The following CCDC146 variants were observed in gnomAD, a reference collection of about 807,000 sequenced individuals.
CCDC146 encodes the protein coiled-coil domain containing 146, also known as coiled-coil domain-containing protein 146.
In CCDC146, 92 loss-of-function variants were observed where a neutral mutation model predicts 119.3. The observed-to-expected ratio is 0.77, with a 90% CI of 0.65 to 0.92. The LOEUF is 0.92. CCDC146 is among the 40% of genes least tolerant of loss of function. The pLI is 0.00. For missense variants in CCDC146, 1,000 were observed against 1,103.0 expected (o/e 0.91, Z 1.32); for synonymous variants, 372 against 371.8 (o/e 1.00, Z -0.01).
At chr7:77,216,003 C>G (rs1480037594) in intron 2 of CCDC146, among the ~76,000 whole-genome samples, 1 of 152,010 alleles carries the variant, frequency 6.6e-6, no homozygotes, top group South Asian at 2.1e-4. Context: ...CTAACCCCCC[C>G]ACCTTGTTTC....
chr7:77,187,011 A>T (rs893601293), intron 2 of CCDC146, among the ~76,000 whole-genome samples: 1 of 152,194 alleles, frequency 6.6e-6, no homozygotes. Flanking sequence ...GATTTGTCTG[A>T]CTATTAAGCT....
intron 2 of CCDC146, among the ~76,000 whole-genome samples, chr7:77,192,034 C>G (rs1001759304): frequency 1.3e-5 from 2 of 152,020 alleles, no homozygotes; most frequent in Non-Finnish European, 2.9e-5. Flanking sequence ...TCAAGCAATT[C>G]TCCTGCCTCA....
At chr7:77,184,941 A>G (rs1204651943) in intron 2 of CCDC146, among the ~76,000 whole-genome samples, 1 of 152,206 alleles carries the variant, frequency 6.6e-6, no homozygotes, top group East Asian at 1.9e-4. Context: ...ATTCACACAG[A>G]AAGTCATGGG....
At chr7:77,192,901 C>T (rs889148698) in intron 2 of CCDC146, among the ~76,000 whole-genome samples, 2 of 151,072 alleles carry the variant, frequency 1.3e-5, no homozygotes, top group African/African-American at 4.9e-5. Context: ...CCAGCCTGGG[C>T]GACAGAGTGA....
intron 3 of CCDC146, among the ~76,000 whole-genome samples, chr7:77,237,528 A>G (rs1792760564): frequency 6.6e-6 from 1 of 152,192 alleles, no homozygotes; most frequent in East Asian, 1.9e-4. Context: ...GCAGGTGGGC[A>G]AAAGGATTCT....
At chr7:77,141,831 T>G (rs1790937432) in intron 1 of CCDC146, among the ~76,000 whole-genome samples, 1 of 152,216 alleles carries the variant, frequency 6.6e-6, no homozygotes. Flanking sequence ...GTCAGATAGA[T>G]AGATTGCGGA....
chr7:77,254,909 C>T (rs2056708), intron 5 of CCDC146, among the ~76,000 whole-genome samples: 103,250 of 152,180 alleles, frequency 0.68, 38,785 homozygotes, highest in Non-Finnish European at 0.86. Context: ...GTTATTACAA[C>T]AAATTTTTAC....
chr7:77,136,618 T>C (rs1023905953), intron 1 of CCDC146, among the ~76,000 whole-genome samples: 3 of 152,176 alleles, frequency 2.0e-5, no homozygotes, highest in African/African-American at 7.2e-5. Flanking sequence ...ATTAAATAAA[T>C]TGAATAAATA....
intron 3 of CCDC146, among the ~76,000 whole-genome samples, chr7:77,237,786 A>T (rs1792765763): frequency 6.6e-6 from 1 of 152,234 alleles, no homozygotes; most frequent in Non-Finnish European, 1.5e-5. Context: ...GCTATTAGCC[A>T]CTGGGAATTA....
chr7:77,283,665 C>A (rs1328575923), intron 15 of CCDC146, among the ~76,000 whole-genome samples: 1 of 152,078 alleles, frequency 6.6e-6, no homozygotes, highest in African/African-American at 2.4e-5. Flanking sequence ...TGGGAGACAT[C>A]TTGTCATTTA....
intron 2 of CCDC146, among the ~76,000 whole-genome samples, chr7:77,197,303 A>G (rs1438896416): frequency 6.6e-6 from 1 of 152,240 alleles, no homozygotes. Flanking sequence ...TATACGTTCT[A>G]GGCATGCTGC....
At chr7:77,144,572 T>A (rs1421701590) in intron 1 of CCDC146, among the ~76,000 whole-genome samples, 6 of 151,924 alleles carry the variant, frequency 3.9e-5, no homozygotes, top group Admixed American at 1.3e-4. Context: ...ATACCTCTTA[T>A]TATTTTGAGA....
intron 2 of CCDC146, chr7:77,198,278 A>C: frequency 1.0e-6 from 1 of 985,396 alleles, no homozygotes; most frequent in Middle Eastern, 5.2e-4. Context: ...TCTCTAAATG[A>C]AAGTGATCTC....
intron 2 of CCDC146, among the ~76,000 whole-genome samples, chr7:77,223,205 A>C (rs1406462344): frequency 1.3e-5 from 2 of 152,232 alleles, no homozygotes; most frequent in Non-Finnish European, 2.9e-5. Flanking sequence ...TGATTGTTAA[A>C]GGTCTAAGCA....
intron 2 of CCDC146, among the ~76,000 whole-genome samples, chr7:77,222,229 T>C (rs916795241): frequency 6.6e-5 from 10 of 152,232 alleles, no homozygotes; most frequent in Admixed American, 3.3e-4. Flanking sequence ...CTTGTTCTTT[T>C]TTAAAGACTA....
intron 1 of CCDC146, among the ~76,000 whole-genome samples, chr7:77,151,084 CT>C (rs1331749122): frequency 6.6e-6 from 1 of 152,206 alleles, no homozygotes; most frequent in Non-Finnish European, 1.5e-5. Context: ...ACATAGTCAC[CT>C]TCAGGTGCAG....
intron 2 of CCDC146, among the ~76,000 whole-genome samples, chr7:77,224,387 T>G (rs988487639): frequency 6.6e-6 from 1 of 152,208 alleles, no homozygotes; most frequent in African/African-American, 2.4e-5. Context: ...CTCCTTCTCC[T>G]TTCATTTCAT....
At chr7:77,258,287 A>G (rs1184028683) in intron 6 of CCDC146, among the ~76,000 whole-genome samples, 3 of 152,104 alleles carry the variant, frequency 2.0e-5, no homozygotes, top group East Asian at 1.9e-4. Flanking sequence ...TCAGCCAGTG[A>G]CAATCTGATG....
At chr7:77,153,665 C>G (rs1400207708) in intron 1 of CCDC146, among the ~76,000 whole-genome samples, 1 of 148,398 alleles carries the variant, frequency 6.7e-6, no homozygotes, top group Admixed American at 6.7e-5. Context: ...GAAATGCTGG[C>G]AAGGATGTAT....
Sources: gnomAD v4.1 joint callset for allele counts (sites outside exome capture counted in the v4.1 genomes callset) on GRCh38, gnomAD v4.1.1 for gene constraint, MANE v1.5 for transcripts, NCBI Gene and HGNC (gene_info 2026-07-23, HGNC 2026-07-21) for gene names.